The following EFTUD2 variants were observed in gnomAD, a reference collection of about 807,000 sequenced individuals.
The protein encoded by EFTUD2 is 116 kDa U5 small nuclear ribonucleoprotein component.
EFTUD2 carries 9 observed loss-of-function variants against 114.3 expected under a neutral mutation model. That is an observed-to-expected ratio of 0.08 (90% confidence interval 0.05 to 0.14). EFTUD2 has a LOEUF of 0.14. Ranked by LOEUF, EFTUD2 falls within the 10% of genes least tolerant of loss-of-function variation. The pLI is 1.00. For synonymous variants in EFTUD2, 449 were observed against 462.3 expected, an observed-to-expected ratio of 0.97 and a Z score of 0.37; for missense variants, 765 against 1,241.2, an observed-to-expected ratio of 0.62 and a Z score of 5.76.
In EFTUD2 at chr17:44,854,701, A is replaced by T; in HGVS notation, c.2133-19T>A. 6.2e-7 allele frequency: 1 copy of T among 1,608,462 alleles called. No individual in the cohort carries two copies. The highest frequency in any genetic ancestry group is 8.5e-7 in the Non-Finnish European group (1 of 1,176,316). On this transcript the variant is annotated intron_variant, in intron 21 of 27. Coordinates refer to ENST00000426333, the MANE Select transcript of EFTUD2 (RefSeq NM_004247.4). The surrounding 1 kb of genome is among the most constrained non-coding windows in gnomAD (Gnocchi z 4.3). ...CTTCTTCCTGGGGAAGGGAGGAGAC[A>T]ATGGAGCTGTCAGCCAGCTCTGTGA...
At position 44,865,043 on chromosome 17, in the gene EFTUD2, C is replaced by G. The variant is rs201530947; in HGVS notation, c.1172G>C (p.Ser391Thr). Residue 391 changes from serine to threonine, a missense_variant, in exon 14 of 28, where the codon AGC becomes ACC. Ser to Thr is a moderately conservative substitution (Grantham distance 58). Transcript: ENST00000426333. The part of the protein sequence containing the change: ...LAQVVGDVDT[S>T]LPRTLDELGI... ...AAGCTCGTCTAGGGTCCGTGGGAGGCTGGTGTCCACGTCACCTACAACCTG... is the reference window on the plus strand; with the variant it reads ...AAGCTCGTCTAGGGTCCGTGGGAGGGTGGTGTCCACGTCACCTACAACCTG... The G allele has an allele frequency of 1.4e-5, 23 of 1,614,164 alleles. No individual in the cohort carries two copies. The highest frequency in any genetic ancestry group is 1.9e-5 in the Non-Finnish European group (22 of 1,180,032).
At chr17:44,876,279 G>A (rs2050947392) in intron 9 of EFTUD2, among the ~76,000 whole-genome samples, 179 bp from the exon 10 acceptor site, 1 of 152,184 alleles carries the variant, frequency 6.6e-6, no homozygotes, top group Admixed American at 6.5e-5. Flanking sequence ...GGAACTTTAA[G>A]AGGGCACCTT....
intron 27 of EFTUD2, 101 bp downstream of exon 27, chr17:44,851,609 A>C: frequency 8.1e-7 from 1 of 1,231,894 alleles, no homozygotes; most frequent in Non-Finnish European, 1.1e-6. Context: ...TACATTGGAA[A>C]AGTGTCCCTT....
chr17:44,894,466 G>C lies in EFTUD2; in HGVS notation c.56C>G (p.Ser19Cys). Residue 19 changes from serine (S) to cysteine (C), a missense_variant, in exon 2 of 28, where the codon TCT (serine) becomes TGT (cysteine). Around this residue, in one of 6 missense-constraint regions of EFTUD2, gnomAD observed 121 missense variants for 133.7 expected, o/e 0.90. Coordinates refer to ENST00000426333, the MANE Select transcript of EFTUD2 (RefSeq NM_004247.4). Reference protein sequence around the residue: ...FGNYIGPELDSDEDDDELGRE... With the variant: ...FGNYIGPELDCDEDDDELGRE... Reference sequence around the variant, plus strand: ...ACCCAATTCATCATCATCTTCATCAGAATCAAGCTCTGGTCCAATATAATT... The same window carrying C: ...ACCCAATTCATCATCATCTTCATCACAATCAAGCTCTGGTCCAATATAATT... 6.2e-7 allele frequency: 1 copy of C among 1,614,176 alleles called. No homozygotes were observed. The highest frequency in any genetic ancestry group is 8.5e-7 in the Non-Finnish European group (1 of 1,180,008).
Position 44,850,394 on chromosome 17 carries a change from T to C in EFTUD2, c.*880A>G, listed in dbSNP as rs769256050. 1.9e-5 allele frequency: 31 copies of C among 1,610,916 alleles called. No individual in the cohort carries two copies. The highest frequency in any genetic ancestry group is 6.6e-5 in the South Asian group (6 of 90,560). On this transcript the variant is annotated 3_prime_UTR_variant, in exon 28 of 28. Transcript: ENST00000426333. ...GATGGCACAGGATGCTGGAGAGAAG[T>C]AGGACTCCTATAGGAGCCGGGGCTG... is the stretch of plus-strand genomic sequence containing the variant.
At chr17:44,870,111 A>C (rs1239424872) in intron 11 of EFTUD2, among the ~76,000 whole-genome samples, 1 of 152,210 alleles carries the variant, frequency 6.6e-6, no homozygotes, top group Non-Finnish European at 1.5e-5. Context: ...CTGACTTTAC[A>C]GAAGTCTACA....
intron 16 of EFTUD2, among the ~76,000 whole-genome samples, chr17:44,861,111 AG>A (rs1567734278): frequency 6.6e-6 from 1 of 152,194 alleles, no homozygotes; most frequent in Non-Finnish European, 1.5e-5. Context: ...CATGGTAAAA[AG>A]CTGCCCAAGG....
chr17:44,883,876 G>GCTCT (rs2051117824), intron 4 of EFTUD2, 152 bp from the exon 5 acceptor site: 5 of 670,234 alleles, frequency 7.5e-6, no homozygotes, highest in Non-Finnish European at 1.3e-5. Flanking sequence ...TACTTACATA[G>GCTCT]CTCTGGCTTT....
intron 11 of EFTUD2, among the ~76,000 whole-genome samples, chr17:44,872,006 A>C (rs1353031388): frequency 6.6e-6 from 1 of 152,232 alleles, no homozygotes; most frequent in Non-Finnish European, 1.5e-5. Context: ...GCATGTTAGC[A>C]GAGGCCTGTA....
At chr17:44,857,656 G>C (rs1194840421) in intron 19 of EFTUD2, 1 of 168,208 alleles carries the variant, frequency 5.9e-6, no homozygotes, top group East Asian at 1.5e-4. Context: ...CAGTAGAGGA[G>C]TCTAAGAGGG....
intron 9 of EFTUD2, among the ~76,000 whole-genome samples, chr17:44,876,619 G>A (rs980827988): frequency 1.3e-5 from 2 of 152,038 alleles, no homozygotes; most frequent in Non-Finnish European, 2.9e-5. Context: ...TTGGGAGGCT[G>A]AGGTGGGCGA....
At chr17:44,887,678 G>T (rs1016754037) in intron 2 of EFTUD2, among the ~76,000 whole-genome samples, 1 of 152,174 alleles carries the variant, frequency 6.6e-6, no homozygotes, top group African/African-American at 2.4e-5. Flanking sequence ...GGCAGGGTAG[G>T]TGTGGGTGGG....
chr17:44,850,308 C>T lies in EFTUD2; in HGVS notation c.*966G>A. On this transcript the variant is annotated 3_prime_UTR_variant, in exon 28 of 28. Transcript: ENST00000426333. ...GGGTGAAGGGTTTGATGCCAAGGGG[C>T]ATTATTTCTTTTCTCTCACACAGGT... 6.3e-7 allele frequency: 1 copy of T among 1,598,436 alleles called. No homozygotes were observed. The highest frequency in any genetic ancestry group is 1.3e-5 in the African/African-American group (1 of 74,856).
At position 44,885,241 on chromosome 17, in the gene EFTUD2, A is replaced by G. The variant is rs1567751541; in HGVS notation, c.350+15T>C. 6.2e-7 allele frequency: 1 copy of G among 1,604,720 alleles called. No homozygotes were observed. Among genetic ancestry groups the G allele is most frequent in the East Asian group, 2.2e-5 (1 of 44,850 alleles). ...CAGCATTCCTGCAGAGAAGCTGAGA[A>G]ACCTTGTAACTTACTCCATCTCATA... is the stretch of plus-strand genomic sequence containing the variant. On this transcript the variant is annotated intron_variant, in intron 4 of 27. Coordinates refer to ENST00000426333, the MANE Select transcript of EFTUD2 (RefSeq NM_004247.4).
chr17:44,876,851 G>A (rs1443081387), intron 9 of EFTUD2, among the ~76,000 whole-genome samples: 6 of 36,188 alleles, frequency 1.7e-4, no homozygotes, highest in African/African-American at 6.8e-4. Context: ...GTGAGACTCC[G>A]TCTCAAAAAA....
chr17:44,881,654 A>G (rs2051074951), intron 7 of EFTUD2, 33 bp downstream of exon 7: 1 of 1,613,024 alleles, frequency 6.2e-7, no homozygotes, highest in Non-Finnish European at 8.5e-7. Context: ...GGTCTGGTGT[A>G]GGTGACAATC....
intron 20 of EFTUD2, among the ~76,000 whole-genome samples, chr17:44,856,401 G>A (rs1015165857): frequency 1.8e-4 from 28 of 151,806 alleles, no homozygotes; most frequent in African/African-American, 6.5e-4. Flanking sequence ...GTGGTGGTGC[G>A]TGCATGTAAT....
Position 44,894,442 on chromosome 17 carries a change from C to G in EFTUD2, c.80G>C (p.Gly27Ala), listed in dbSNP as rs747857168. Residue 27 changes from glycine (G) to alanine (A), a missense_variant, in exon 2 of 28, where the codon GGT becomes GCT. Coordinates refer to ENST00000426333, the MANE Select transcript of EFTUD2 (RefSeq NM_004247.4). The part of the protein sequence containing the change: ...LDSDEDDDEL[G>A]RETKDLDEMD... ...CTCATCAAGATCTTTGGTCTCTCTA[C>G]CCAATTCATCATCATCTTCATCAGA... The G allele has an allele frequency of 6.2e-7, 1 of 1,613,720 alleles. No individual in the cohort carries two copies. The highest frequency in any genetic ancestry group is 1.3e-5 in the African/African-American group (1 of 75,038).
intron 18 of EFTUD2, chr17:44,859,389 C>T: frequency 1.7e-6 from 1 of 596,610 alleles, no homozygotes; most frequent in Non-Finnish European, 3.0e-6. Context: ...CATGGTGATA[C>T]TAGGTGTGAA....
Sources: allele counts gnomAD v4.1 joint callset (sites outside exome capture counted in the v4.1 genomes callset), GRCh38; gene constraint gnomAD v4.1.1; regional missense constraint gnomAD v4.1.1; non-coding constraint Gnocchi (gnomAD v3.1); transcripts MANE v1.5; gene names NCBI Gene and HGNC (gene_info 2026-07-23, HGNC 2026-07-21).